FMN2: variants seen among roughly 807,000 people sequenced by gnomAD.
FMN2 encodes the protein formin-2.
Under a neutral mutation model 142.3 loss-of-function variants are expected in FMN2, and 51 were observed. The observed-to-expected ratio is 0.36, with a 90% CI of 0.29 to 0.45. The LOEUF is 0.45. Among genes scored for constraint, FMN2 ranks in the 20% least tolerant of loss-of-function variants. The pLI, the probability that FMN2 is intolerant of heterozygous loss-of-function variation, is 1.00. For synonymous variants in FMN2, 882 were observed against 869.8 expected (o/e 1.01, Z -0.25); for missense variants, 1,936 against 2,122.8 (o/e 0.91, Z 1.73).
At chr1:240,434,059 G>A (rs897173163) in intron 15 of FMN2, among the ~76,000 whole-genome samples, 2 of 152,170 alleles carry the variant, frequency 1.3e-5, no homozygotes, top group Admixed American at 6.5e-5. Flanking sequence ...AAGACGTGTG[G>A]TGTTGATCTT....
intron 13 of FMN2, among the ~76,000 whole-genome samples, chr1:240,335,910 G>A (rs1416894390): frequency 6.6e-6 from 1 of 152,042 alleles, no homozygotes; most frequent in Non-Finnish European, 1.5e-5. Flanking sequence ...TTGGGAGGCC[G>A]AGACAGGCAG....
At chr1:240,209,248 CTTTT>C (rs35230925) in intron 5 of FMN2, among the ~76,000 whole-genome samples, 3 of 138,614 alleles carry the variant, frequency 2.2e-5, no homozygotes, top group Non-Finnish European at 1.6e-5. Context: ...TTCTTAAATC[CTTTT>C]TTTTTTTTTT....
At chr1:240,267,387 G>A (rs963611127) in intron 7 of FMN2, among the ~76,000 whole-genome samples, 2 of 151,988 alleles carry the variant, frequency 1.3e-5, no homozygotes, top group Admixed American at 6.6e-5. Context: ...CACAGGAAAA[G>A]AAAACCAAAT....
Position 240,297,106 on chromosome 1 carries a change from T to C in FMN2, c.4215+2223T>C, listed in dbSNP as rs73122340. Among the ~76,000 whole-genome samples, 1,261 of 152,230 alleles carry C rather than the reference T, an allele frequency of 8.3e-3. 17 individuals carry two copies. The highest frequency in any genetic ancestry group is 0.027 in the African/African-American group (1,115 of 41,558). On this transcript the variant is annotated intron_variant, in intron 8 of 17. Transcript: ENST00000319653. ...CAGCAGGTCATAATGATTTAAGATG[T>C]TGGTGTGTGTGTATCTATCTATCTT... is the stretch of plus-strand genomic sequence containing the variant.
chr1:240,461,802 G>A (rs1676460006), intron 16 of FMN2, among the ~76,000 whole-genome samples: 2 of 152,122 alleles, frequency 1.3e-5, no homozygotes, highest in East Asian at 1.9e-4. Flanking sequence ...ATAGGATGGT[G>A]GCATCACTCA....
intron 8 of FMN2, among the ~76,000 whole-genome samples, chr1:240,316,934 G>A (rs942360928): frequency 2.0e-5 from 3 of 151,986 alleles, no homozygotes; most frequent in East Asian, 1.9e-4. Context: ...ACTGGGTGTG[G>A]GCATCATGTA....
chr1:240,183,017 A>G, intron 3 of FMN2, among the ~76,000 whole-genome samples: 1 of 151,780 alleles, frequency 6.6e-6, no homozygotes, highest in Non-Finnish European at 1.5e-5. Flanking sequence ...CCCGAGCTCA[A>G]GTGATCCTTC....
At chr1:240,293,118 T>C (rs1669849163) in intron 7 of FMN2, among the ~76,000 whole-genome samples, 1 of 152,114 alleles carries the variant, frequency 6.6e-6, no homozygotes, top group Non-Finnish European at 1.5e-5. Flanking sequence ...GTATATGACA[T>C]TGCATGAGAT....
At chr1:240,452,676 G>T (rs1002734285) in intron 16 of FMN2, among the ~76,000 whole-genome samples, 1 of 151,972 alleles carries the variant, frequency 6.6e-6, no homozygotes, top group Non-Finnish European at 1.5e-5. Flanking sequence ...AAAGGAAAAA[G>T]TATGAAAAAG....
intron 15 of FMN2, among the ~76,000 whole-genome samples, chr1:240,412,019 A>G (rs1674413130): frequency 6.6e-6 from 1 of 152,142 alleles, no homozygotes; most frequent in Non-Finnish European, 1.5e-5. Context: ...ACCTTAGGAG[A>G]TGGTGTCCAC....
chr1:240,127,606 T>C (rs898656506), intron 2 of FMN2, among the ~76,000 whole-genome samples: 5 of 151,824 alleles, frequency 3.3e-5, no homozygotes, highest in African/African-American at 1.2e-4. Context: ...CCCTTCCAAG[T>C]AGCTGGAACT....
chr1:240,157,652 A>G (rs888477583), intron 2 of FMN2, among the ~76,000 whole-genome samples: 16 of 152,140 alleles, frequency 1.1e-4, no homozygotes, highest in Admixed American at 9.2e-4. Context: ...AACTATAGTA[A>G]CTGTAGTTGG....
At chr1:240,464,194 TGTTG>T (rs1312134468) in intron 16 of FMN2, among the ~76,000 whole-genome samples, 1 of 152,172 alleles carries the variant, frequency 6.6e-6, no homozygotes, top group Non-Finnish European at 1.5e-5. Flanking sequence ...TTATTTGTTT[TGTTG>T]GTTTAAAATG....
intron 4 of FMN2, among the ~76,000 whole-genome samples, chr1:240,189,424 A>G (rs148316145): frequency 2.5e-4 from 38 of 152,336 alleles, no homozygotes; most frequent in African/African-American, 8.9e-4. Context: ...GTGTGATGAC[A>G]ACAAGCTTAG....
intron 16 of FMN2, among the ~76,000 whole-genome samples, chr1:240,461,547 A>C (rs142249002): frequency 6.6e-6 from 1 of 152,326 alleles, no homozygotes; most frequent in Non-Finnish European, 1.5e-5. Flanking sequence ...CTAAAGGGAA[A>C]TGGATATTGA....
chr1:240,421,668 AT>A (rs1172942313), intron 15 of FMN2, among the ~76,000 whole-genome samples: 2 of 151,966 alleles, frequency 1.3e-5, no homozygotes, highest in African/African-American at 4.8e-5. Context: ...TTCTTGTTTC[AT>A]TTTTTATTAT....
chr1:240,169,816 C>T (rs1664629072), intron 2 of FMN2, among the ~76,000 whole-genome samples: 2 of 152,166 alleles, frequency 1.3e-5, no homozygotes, highest in Non-Finnish European at 2.9e-5. Flanking sequence ...AATCAGTGAG[C>T]TGCATACTTC....
chr1:240,371,629 A>C (rs1390050105), intron 14 of FMN2, among the ~76,000 whole-genome samples: 1 of 152,232 alleles, frequency 6.6e-6, no homozygotes, highest in Admixed American at 6.5e-5. Flanking sequence ...ATTCAGAAGT[A>C]AATCGTCATA....
At chr1:240,295,385 C>T (rs1289612205) in intron 8 of FMN2, among the ~76,000 whole-genome samples, 1 of 152,166 alleles carries the variant, frequency 6.6e-6, no homozygotes, top group Non-Finnish European at 1.5e-5. Flanking sequence ...TATAAGATCT[C>T]TAGAAGTTAT....
Sources: gnomAD v4.1 joint callset for allele counts (sites outside exome capture counted in the v4.1 genomes callset) on GRCh38, gnomAD v4.1.1 for gene constraint, MANE v1.5 for transcripts, NCBI Gene and HGNC (gene_info 2026-07-23, HGNC 2026-07-21) for gene names.